The following JARID2 variants were observed in gnomAD, a reference collection of about 807,000 sequenced individuals.
JARID2 encodes jumonji and AT-rich interaction domain containing 2.
JARID2 carries 21 observed loss-of-function variants against 125.6 expected under a neutral mutation model. That is an observed-to-expected ratio of 0.17 (90% CI 0.12 to 0.24). The LOEUF is 0.24. Among genes scored for constraint, JARID2 ranks in the 10% least tolerant of loss-of-function variants. The pLI is 1.00. For missense variants in JARID2, 1,303 were observed against 1,639.6 expected (o/e 0.79, Z 3.55); for synonymous variants, 736 against 661.6 (o/e 1.11, Z -1.73).
At chr6:15,374,315 T>G in intron 2 of JARID2, 63 bp downstream of exon 2, 1 of 1,541,184 alleles carries the variant, frequency 6.5e-7, no homozygotes, top group Non-Finnish European at 8.9e-7. Context: ...GACTTGTTCC[T>G]GAATTGGATG....
chr6:15,313,065 C>T (rs1404589441), intron 1 of JARID2, among the ~76,000 whole-genome samples: 1 of 152,178 alleles, frequency 6.6e-6, no homozygotes, highest in Non-Finnish European at 1.5e-5. Context: ...GTTTATGTTG[C>T]TTGTTTTTAA....
chr6:15,490,458 G>A (rs1358982659), intron 6 of JARID2, among the ~76,000 whole-genome samples: 1 of 152,146 alleles, frequency 6.6e-6, no homozygotes, highest in Non-Finnish European at 1.5e-5. Context: ...TTGATAGTGT[G>A]TGCGATTTAT....
At chr6:15,480,956 T>C (rs1769585481) in intron 5 of JARID2, among the ~76,000 whole-genome samples, 1 of 152,238 alleles carries the variant, frequency 6.6e-6, no homozygotes, top group Non-Finnish European at 1.5e-5. Context: ...TGGGGAACAT[T>C]GTTTAGGACA....
At chr6:15,351,106 T>G (rs1763415105) in intron 1 of JARID2, among the ~76,000 whole-genome samples, 1 of 152,220 alleles carries the variant, frequency 6.6e-6, no homozygotes, top group African/African-American at 2.4e-5. Context: ...TGAAGGTGCC[T>G]TTTTGGTTAA....
chr6:15,251,004 G>GAGAGC (rs1759427582), intron 1 of JARID2, among the ~76,000 whole-genome samples: 1 of 151,612 alleles, frequency 6.6e-6, no homozygotes, highest in Non-Finnish European at 1.5e-5. Context: ...GGCTAACCTA[G>GAGAGC]AGAGCATTTG....
At chr6:15,350,730 G>GTTTTTT (rs538674872) in intron 1 of JARID2, among the ~76,000 whole-genome samples, 1 of 130,418 alleles carries the variant, frequency 7.7e-6, no homozygotes. Context: ...ATAGTTTAAG[G>GTTTTTT]TTTTTTTTTT....
intron 7 of JARID2, among the ~76,000 whole-genome samples, chr6:15,499,418 A>AT (rs1407794599): frequency 1.3e-5 from 2 of 152,208 alleles, no homozygotes; most frequent in East Asian, 3.9e-4. Context: ...GAATTCTTGC[A>AT]AGCGCTGTGT....
intron 1 of JARID2, among the ~76,000 whole-genome samples, chr6:15,322,411 A>C (rs1762390105): frequency 6.6e-6 from 1 of 152,180 alleles, no homozygotes; most frequent in Admixed American, 6.5e-5. Context: ...GTTCCTGTGA[A>C]ATGTTTTATC....
rs550353595 is a variant in JARID2, at chr6:15,313,985, T to C, written c.46-60132T>C. ...CTCATGGAGGTGCTGCTTTTGTTTTTATCTCTTCATTTGGGGAGAGGATAC... is the reference window on the plus strand; with the variant it reads ...CTCATGGAGGTGCTGCTTTTGTTTTCATCTCTTCATTTGGGGAGAGGATAC... On this transcript the variant is annotated intron_variant, in intron 1 of 17. Coordinates refer to ENST00000341776, the MANE Select transcript of JARID2 (RefSeq NM_004973.4). 2.6e-5 allele frequency among the ~76,000 whole-genome samples: 4 copies of C among 152,278 alleles called. No homozygotes were observed. The South Asian group carries it at 8.3e-4, about 32-fold the overall frequency.
At chr6:15,275,806 T>G (rs1431444836) in intron 1 of JARID2, among the ~76,000 whole-genome samples, 1 of 152,148 alleles carries the variant, frequency 6.6e-6, no homozygotes, top group South Asian at 2.1e-4. Context: ...TGTATTAACC[T>G]AATTGCTTGT....
intron 1 of JARID2, among the ~76,000 whole-genome samples, chr6:15,279,521 C>G (rs1420733632): frequency 6.6e-6 from 1 of 152,200 alleles, no homozygotes; most frequent in African/African-American, 2.4e-5. Flanking sequence ...GTGTATTACT[C>G]TTTATCTCCC....
chr6:15,423,421 A>G (rs1202047075), intron 3 of JARID2, among the ~76,000 whole-genome samples: 1 of 152,200 alleles, frequency 6.6e-6, no homozygotes, highest in Non-Finnish European at 1.5e-5. Context: ...AGAAGGATTA[A>G]TATAGGAGGT....
At chr6:15,420,311 G>A (rs1766426085) in intron 3 of JARID2, among the ~76,000 whole-genome samples, 1 of 151,442 alleles carries the variant, frequency 6.6e-6, no homozygotes, top group Non-Finnish European at 1.5e-5. Context: ...GCTGAGGCAG[G>A]AGAATTGCTT....
At chr6:15,451,875 C>A in intron 3 of JARID2, 131 bp from the exon 4 acceptor site, 2 of 876,792 alleles carry the variant, frequency 2.3e-6, no homozygotes, top group Non-Finnish European at 3.4e-6. Flanking sequence ...AGATATAGAA[C>A]CTTAATTAGG....
chr6:15,341,176 C>G (rs950292461), intron 1 of JARID2, among the ~76,000 whole-genome samples: 1 of 152,188 alleles, frequency 6.6e-6, no homozygotes, highest in Admixed American at 6.5e-5. Flanking sequence ...TGTTTCCTAG[C>G]TGATGGAAAA....
chr6:15,421,043 T>G (rs2127587425), intron 3 of JARID2, among the ~76,000 whole-genome samples: 1 of 152,332 alleles, frequency 6.6e-6, no homozygotes, highest in East Asian at 1.9e-4. Context: ...TCTGTGTGGC[T>G]CTGGCCTCTG....
intron 2 of JARID2, among the ~76,000 whole-genome samples, chr6:15,374,856 G>A (rs1764293377): frequency 1.3e-5 from 2 of 152,226 alleles, no homozygotes; most frequent in South Asian, 4.1e-4. Context: ...CCAACAGAAA[G>A]TATCTGAGGA....
chr6:15,355,059 A>T (rs1763552795), intron 1 of JARID2, among the ~76,000 whole-genome samples: 1 of 152,166 alleles, frequency 6.6e-6, no homozygotes, highest in African/African-American at 2.4e-5. Flanking sequence ...CCTCCCTCCC[A>T]TTGTGTGGAT....
intron 2 of JARID2, among the ~76,000 whole-genome samples, chr6:15,407,702 TGTTTTG>T (rs1765707991): frequency 6.6e-6 from 1 of 152,176 alleles, no homozygotes; most frequent in South Asian, 2.1e-4. Context: ...TTCTTGTTCT[TGTTTTG>T]GTATTGCAAG....
Sources: allele counts gnomAD v4.1 joint callset (sites outside exome capture counted in the v4.1 genomes callset), GRCh38; gene constraint gnomAD v4.1.1; transcripts MANE v1.5; gene names NCBI Gene and HGNC (gene_info 2026-07-23, HGNC 2026-07-21).